The following DTD1 variants were observed in gnomAD, a reference collection of about 807,000 sequenced individuals.
The protein encoded by DTD1 is D-tyrosyl-tRNA deacylase 1 homolog.
Under a neutral mutation model 25.6 loss-of-function variants are expected in DTD1, and 13 were observed. The observed-to-expected ratio is 0.51, with a 90% CI of 0.33 to 0.81. The LOEUF is 0.81. Among genes scored for constraint, DTD1 ranks in the 30% least tolerant of loss-of-function variants. The probability of loss-of-function intolerance (pLI) is 0.02; values close to 1 mark genes in which losing one functional copy is unlikely to be tolerated. For synonymous variants in DTD1, 110 were observed against 103.6 expected (o/e 1.06, Z -0.37); for missense variants, 193 against 266.4 (o/e 0.72, Z 1.92).
intron 4 of DTD1, among the ~76,000 whole-genome samples, chr20:18,641,743 T>C (rs2060829254): frequency 6.6e-6 from 1 of 152,222 alleles, no homozygotes; most frequent in South Asian, 2.1e-4. Context: ...GCAGAAGTTC[T>C]TTATGTATTC....
At chr20:18,681,053 A>G (rs1434378333) in intron 4 of DTD1, among the ~76,000 whole-genome samples, 3 of 152,228 alleles carry the variant, frequency 2.0e-5, no homozygotes, top group African/African-American at 7.2e-5. Context: ...CTTGCAAGAA[A>G]TAAGTGTTCT....
intron 4 of DTD1, among the ~76,000 whole-genome samples, chr20:18,652,750 A>G (rs1308738925): frequency 1.3e-5 from 2 of 152,230 alleles, no homozygotes; most frequent in Non-Finnish European, 2.9e-5. Flanking sequence ...CAGGAGTAGC[A>G]TCCGAATTTC....
intron 4 of DTD1, among the ~76,000 whole-genome samples, chr20:18,699,879 C>T (rs2061096317): frequency 6.6e-6 from 1 of 152,188 alleles, no homozygotes. Context: ...ATTCCTTTTA[C>T]CCAGCTTCCC....
Position 18,600,746 on chromosome 20 carries a change from C to T in DTD1, c.370+4505C>T, listed in dbSNP as rs370902002. Among the ~76,000 whole-genome samples, 5 of 152,276 alleles carry T rather than the reference C, an allele frequency of 3.3e-5. No homozygotes were observed. In the South Asian group the frequency reaches 8.3e-4, roughly 25 times the overall value. On this transcript the variant is annotated intron_variant, in intron 3 of 5. Transcript: ENST00000377452. ...CCCTGTCTATGAACATGGAATATCT[C>T]TCCATTTCTTTAGTGCTCTGACTTC...
intron 4 of DTD1, among the ~76,000 whole-genome samples, chr20:18,726,398 T>C (rs1008580321): frequency 2.0e-5 from 3 of 152,180 alleles, no homozygotes; most frequent in African/African-American, 7.2e-5. Flanking sequence ...TCATGAAAAT[T>C]GCATTGTACA....
chr20:18,629,578 C>T (rs981523554), intron 4 of DTD1, among the ~76,000 whole-genome samples: 2 of 152,052 alleles, frequency 1.3e-5, no homozygotes, highest in South Asian at 2.1e-4. Flanking sequence ...GCTGAGATTA[C>T]AGGCAAGAGT....
At chr20:18,684,543 T>C (rs918295358) in intron 4 of DTD1, among the ~76,000 whole-genome samples, 3 of 152,144 alleles carry the variant, frequency 2.0e-5, no homozygotes, top group African/African-American at 7.2e-5. Flanking sequence ...AGCGTAGGCC[T>C]CCCAAAGTGC....
chr20:18,631,127 T>C lies in DTD1; in HGVS notation c.477+2894T>C, dbSNP rs1295766698. ...CTTTGCAGGGAAAGAAGCCAGCAGA[T>C]GGCATTGACTCTGCTTCTCTATCCC... On this transcript the variant is annotated intron_variant, in intron 4 of 5. Transcript: ENST00000377452. 6 of 985,390 alleles carry C rather than the reference T, an allele frequency of 6.1e-6. No individual in the cohort carries two copies. In the African/African-American group the frequency reaches 1.0e-4, roughly 17 times the overall value. The allele number at this position is 985,390 out of a possible 1,614,324, so 61.0% of individuals were successfully genotyped here.
intron 3 of DTD1, among the ~76,000 whole-genome samples, chr20:18,610,026 G>A (rs1029042652): frequency 2.6e-5 from 4 of 152,208 alleles, no homozygotes; most frequent in South Asian, 2.1e-4. Context: ...GCAGGTGTTT[G>A]TGGAATCATT....
intron 1 of DTD1, among the ~76,000 whole-genome samples, chr20:18,590,512 C>T (rs530220992): frequency 5.3e-5 from 8 of 152,192 alleles, no homozygotes; most frequent in African/African-American, 1.7e-4. Flanking sequence ...GCTCTGTTGC[C>T]GAGGCTGGAG....
intron 4 of DTD1, among the ~76,000 whole-genome samples, chr20:18,721,632 C>T (rs1486184730): frequency 8.5e-5 from 13 of 152,092 alleles, no homozygotes; most frequent in Admixed American, 1.3e-4. Context: ...CTGATTAGAA[C>T]GATCTGTTCT....
intron 4 of DTD1, among the ~76,000 whole-genome samples, chr20:18,735,140 A>G (rs1442526503): frequency 6.6e-6 from 1 of 152,262 alleles, no homozygotes; most frequent in Non-Finnish European, 1.5e-5. Flanking sequence ...TTCCGTCTAC[A>G]TTATGATCTA....
chr20:18,628,988 ATTTTTTTT>A (rs10594706), intron 4 of DTD1, among the ~76,000 whole-genome samples: 49 of 71,558 alleles, frequency 6.8e-4, no homozygotes, highest in Admixed American at 6.7e-3. Context: ...TCAAAGCCTG[ATTTTTTTT>A]TTTTTTTTTT....
chr20:18,588,421 C>T (rs1199512476), intron 1 of DTD1, among the ~76,000 whole-genome samples: 1 of 152,208 alleles, frequency 6.6e-6, no homozygotes, highest in Non-Finnish European at 1.5e-5. Context: ...TGCGGGATGG[C>T]GGAGCCTCGG....
At chr20:18,708,321 T>A (rs1348573497) in intron 4 of DTD1, among the ~76,000 whole-genome samples, 17 of 41,010 alleles carry the variant, frequency 4.1e-4, no homozygotes, top group South Asian at 1.1e-3. Flanking sequence ...ATATATATAT[T>A]ATATATATAT....
At chr20:18,758,842 G>A (rs541298879) in intron 5 of DTD1, among the ~76,000 whole-genome samples, 57 of 152,248 alleles carry the variant, frequency 3.7e-4, no homozygotes, top group South Asian at 8.3e-4. Flanking sequence ...TTTCTGTCTC[G>A]TTGATCTGTC....
intron 4 of DTD1, among the ~76,000 whole-genome samples, chr20:18,667,298 G>A (rs1410467798): frequency 6.6e-6 from 1 of 152,220 alleles, no homozygotes. Flanking sequence ...ATTGGGGCCT[G>A]CTTTTCATCA....
intron 2 of DTD1, among the ~76,000 whole-genome samples, chr20:18,595,668 A>G (rs970838473): frequency 1.3e-5 from 2 of 152,186 alleles, no homozygotes; most frequent in African/African-American, 2.4e-5. Flanking sequence ...AATTGGACCC[A>G]TGTTTTGACA....
intron 3 of DTD1, among the ~76,000 whole-genome samples, chr20:18,609,377 C>T (rs1469559887): frequency 6.6e-6 from 1 of 151,918 alleles, no homozygotes; most frequent in Non-Finnish European, 1.5e-5. Context: ...GTCTTGAACT[C>T]CTGGGCTCAA....
Sources: allele counts gnomAD v4.1 joint callset (sites outside exome capture counted in the v4.1 genomes callset), GRCh38; gene constraint gnomAD v4.1.1; transcripts MANE v1.5; gene names NCBI Gene and HGNC (gene_info 2026-07-23, HGNC 2026-07-21).